The following ARHGAP24 variants were observed in gnomAD, a reference collection of about 807,000 sequenced individuals.
The protein encoded by ARHGAP24 is rho GTPase-activating protein 24.
In ARHGAP24, 50 loss-of-function variants were observed where a neutral mutation model predicts 76.4. That is an observed-to-expected ratio of 0.65 (90% CI 0.52 to 0.83). The LOEUF (loss-of-function observed/expected upper bound fraction) is 0.83, where lower values mean the gene tolerates loss of function less well. Ranked by LOEUF, ARHGAP24 falls within the 40% of genes least tolerant of loss-of-function variation. The probability of loss-of-function intolerance (pLI) is 0.00; values close to 1 mark genes in which losing one functional copy is unlikely to be tolerated. For synonymous variants in ARHGAP24, 345 were observed against 323.3 expected, an observed-to-expected ratio of 1.07 and a Z score of -0.72; for missense variants, 930 against 914.2, an observed-to-expected ratio of 1.02 and a Z score of -0.22.
At position 85,480,976 on chromosome 4, in the gene ARHGAP24, A is replaced by G. The variant is rs557002706; in HGVS notation, c.-21+5417A>G. ...CCATCAAATTGAGCCTTCAGAAAAT[A>G]AAGTAATTTTTCAAATTCTCCAAAA... On this transcript the variant is annotated intron_variant, in intron 1 of 9. Transcript: ENST00000395184. Among the ~76,000 whole-genome samples, 4 of 152,234 alleles carry G rather than the reference A, an allele frequency of 2.6e-5. No homozygotes were observed. In the East Asian group the frequency reaches 7.7e-4, roughly 29 times the overall value.
chr4:85,730,609 A>G (rs1164939518), intron 3 of ARHGAP24, among the ~76,000 whole-genome samples: 1 of 151,916 alleles, frequency 6.6e-6, no homozygotes, highest in Non-Finnish European at 1.5e-5. Flanking sequence ...AGGTCTCACT[A>G]TGTTGCCCAG....
At chr4:85,636,837 T>C (rs1721326625) in intron 2 of ARHGAP24, among the ~76,000 whole-genome samples, 1 of 152,046 alleles carries the variant, frequency 6.6e-6, no homozygotes, top group South Asian at 2.1e-4. Context: ...TTGATATGTA[T>C]TTTTCTCCAA....
chr4:85,958,538 A>G (rs1406608057), intron 5 of ARHGAP24, among the ~76,000 whole-genome samples: 1 of 152,224 alleles, frequency 6.6e-6, no homozygotes, highest in Non-Finnish European at 1.5e-5. Context: ...GATAATTCCT[A>G]CTGAAAATAA....
chr4:85,858,292 G>A (rs1731699472), intron 3 of ARHGAP24, among the ~76,000 whole-genome samples: 1 of 152,110 alleles, frequency 6.6e-6, no homozygotes, highest in South Asian at 2.1e-4. Flanking sequence ...CTGACCACAT[G>A]GTAGATGCTA....
At chr4:85,848,488 C>T (rs1272284909) in intron 3 of ARHGAP24, among the ~76,000 whole-genome samples, 1 of 152,168 alleles carries the variant, frequency 6.6e-6, no homozygotes, top group East Asian at 1.9e-4. Flanking sequence ...CCAACTTTGA[C>T]CACGTCATTA....
chr4:85,593,505 G>A (rs77562704), intron 2 of ARHGAP24, among the ~76,000 whole-genome samples: 3,559 of 152,112 alleles, frequency 0.023, 154 homozygotes, highest in African/African-American at 0.081. Context: ...CTATCCTTGT[G>A]GGATACTACT....
Position 85,597,783 on chromosome 4 carries a change from G to C in ARHGAP24, c.180+27062G>C, listed in dbSNP as rs534622723. ...CCATTTGGAATGGTTGCTTCAACAG[G>C]TTGAAAAGTAGAGAATCTTAAAGAG... On this transcript the variant is annotated intron_variant, in intron 2 of 9. Transcript: ENST00000395184. 8.1e-4 allele frequency among the ~76,000 whole-genome samples: 123 copies of C among 152,110 alleles called. 1 individual carries two copies. Among genetic ancestry groups the C allele is most frequent in the African/African-American group, 2.9e-3 (119 of 41,528 alleles).
chr4:85,978,830 A>C (rs957809916), intron 8 of ARHGAP24, among the ~76,000 whole-genome samples: 4 of 152,218 alleles, frequency 2.6e-5, no homozygotes, highest in Non-Finnish European at 5.9e-5. Context: ...GCCCTGACCC[A>C]ATCCCAGTGT....
chr4:85,534,995 T>C (rs1048729000), intron 1 of ARHGAP24, among the ~76,000 whole-genome samples: 4 of 151,790 alleles, frequency 2.6e-5, no homozygotes, highest in African/African-American at 9.7e-5. Flanking sequence ...AAGCTGTGTA[T>C]TTAATTAAGT....
chr4:85,642,573 T>C (rs1180755504), intron 2 of ARHGAP24, among the ~76,000 whole-genome samples: 1 of 113,176 alleles, frequency 8.8e-6, no homozygotes, highest in East Asian at 8.0e-4. Flanking sequence ...TGACTCTTCT[T>C]TCTCTCACAA....
intron 2 of ARHGAP24, among the ~76,000 whole-genome samples, chr4:85,671,192 A>C (rs140664166): frequency 1.5e-3 from 224 of 152,174 alleles, no homozygotes; most frequent in African/African-American, 5.3e-3. Context: ...CGGTGCCTTT[A>C]CACTAAATGC....
intron 1 of ARHGAP24, among the ~76,000 whole-genome samples, chr4:85,485,211 G>T (rs1436797508): frequency 6.7e-6 from 1 of 149,928 alleles, no homozygotes; most frequent in Non-Finnish European, 1.5e-5. Context: ...AGCTGGGCTT[G>T]GTGGTGGGCG....
intron 3 of ARHGAP24, among the ~76,000 whole-genome samples, chr4:85,866,198 G>T (rs1334275394): frequency 1.3e-5 from 2 of 152,036 alleles, no homozygotes; most frequent in East Asian, 3.9e-4. Context: ...TGTAAGTGAG[G>T]CACAAAGCTG....
At chr4:85,735,747 C>A (rs1725582961) in intron 3 of ARHGAP24, among the ~76,000 whole-genome samples, 1 of 152,152 alleles carries the variant, frequency 6.6e-6, no homozygotes, top group East Asian at 1.9e-4. Flanking sequence ...TCACTCTCTT[C>A]TCTTCCATAC....
Position 85,974,884 on chromosome 4 carries a change from T to A in ARHGAP24, c.733-4T>A, listed in dbSNP as rs1314348011. On this transcript the variant is annotated splice_polypyrimidine_tract_variant and splice_region_variant and intron_variant, in intron 6 of 9. Coordinates refer to ENST00000395184, the MANE Select transcript of ARHGAP24 (RefSeq NM_001025616.3). ...ATAATATTTATTTTCTTCTTTGTACTCAGGGTGTTAAGGAATTAGCAAAGC... is the reference window on the plus strand; with the variant it reads ...ATAATATTTATTTTCTTCTTTGTACACAGGGTGTTAAGGAATTAGCAAAGC... 1 of 1,613,094 alleles carries A rather than the reference T, an allele frequency of 6.2e-7. No individual in the cohort carries two copies. The highest frequency in any genetic ancestry group is 1.3e-5 in the African/African-American group (1 of 74,928).
At chr4:85,912,209 T>C (rs1292416049) in intron 3 of ARHGAP24, among the ~76,000 whole-genome samples, 1 of 152,336 alleles carries the variant, frequency 6.6e-6, no homozygotes, top group African/African-American at 2.4e-5. Flanking sequence ...GAAATACCAA[T>C]ATTTTTCTCC....
intron 3 of ARHGAP24, among the ~76,000 whole-genome samples, chr4:85,804,839 C>A (rs1430495419): frequency 6.6e-6 from 1 of 152,136 alleles, no homozygotes; most frequent in Non-Finnish European, 1.5e-5. Context: ...AAAGAACAGA[C>A]AATATTCCAG....
intron 1 of ARHGAP24, among the ~76,000 whole-genome samples, chr4:85,539,397 T>A (rs1235008090): frequency 6.6e-6 from 1 of 152,292 alleles, no homozygotes; most frequent in South Asian, 2.1e-4. Context: ...AGATCCACTG[T>A]CTTACTTTTT....
chr4:85,930,151 A>T, intron 4 of ARHGAP24: 1 of 765,878 alleles, frequency 1.3e-6, no homozygotes, highest in Non-Finnish European at 1.6e-6. Context: ...GTTCTCATTG[A>T]GAAAAGGGGA....
Sources: allele counts gnomAD v4.1 joint callset (sites outside exome capture counted in the v4.1 genomes callset), GRCh38; gene constraint gnomAD v4.1.1; transcripts MANE v1.5; gene names NCBI Gene and HGNC (gene_info 2026-07-23, HGNC 2026-07-21).